Variants in ARSK observed in about 807,000 individuals in gnomAD.
ARSK encodes the protein arylsulfatase family member K.
A neutral mutation model predicts 53.2 loss-of-function variants in ARSK; 37 were observed. The observed-to-expected ratio is 0.70, with a 90% CI of 0.54 to 0.92. The LOEUF (loss-of-function observed/expected upper bound fraction) is 0.92, where lower values mean the gene tolerates loss of function less well. ARSK is among the 40% of genes least tolerant of loss of function. The probability of loss-of-function intolerance (pLI) is 0.00; values close to 1 mark genes in which losing one functional copy is unlikely to be tolerated. For synonymous variants in ARSK, 208 were observed against 223.2 expected (o/e 0.93, Z 0.61); for missense variants, 613 against 643.0 (o/e 0.95, Z 0.51).
chr5:95,563,558 TG>T, intron 1 of ARSK, among the ~76,000 whole-genome samples: 1 of 152,244 alleles, frequency 6.6e-6, no homozygotes, highest in Non-Finnish European at 1.5e-5. Context: ...CAAAGAGTCC[TG>T]CTTTCCAGCC....
At position 95,584,297 on chromosome 5, in the gene ARSK, G is replaced by T. The variant is rs188918161; in HGVS notation, c.699+1099G>T. On this transcript the variant is annotated intron_variant, in intron 4 of 7. Transcript: ENST00000380009. ...TAGTCACTGAATGGCATACATATCT[G>T]TTGTATACCCAGTGATTTATACTAA... Among the ~76,000 whole-genome samples, 358 of 152,288 alleles carry T rather than the reference G, an allele frequency of 2.4e-3. 2 individuals carry two copies. The highest frequency in any genetic ancestry group is 3.5e-3 in the Non-Finnish European group (238 of 68,020).
chr5:95,605,009 C>T lies in ARSK; in HGVS notation c.*1483C>T, dbSNP rs1749483232. ...GTAAGCAAATTTATGAATCTTTGTACACCATAAGTATATACAATTATGATT... is the reference window on the plus strand; with the variant it reads ...GTAAGCAAATTTATGAATCTTTGTATACCATAAGTATATACAATTATGATT... On this transcript the variant is annotated 3_prime_UTR_variant, in exon 8 of 8. Coordinates refer to ENST00000380009, the MANE Select transcript of ARSK (RefSeq NM_198150.3). 1 of 152,174 alleles carries T rather than the reference C, an allele frequency of 6.6e-6. No homozygotes were observed. The highest frequency in any genetic ancestry group is 6.6e-5 in the Admixed American group (1 of 15,264). The allele number at this position is 152,174 out of a possible 1,614,324, so 9.4% of individuals were successfully genotyped here.
At chr5:95,559,197 C>T (rs1308396122) in intron 1 of ARSK, among the ~76,000 whole-genome samples, 1 of 152,138 alleles carries the variant, frequency 6.6e-6, no homozygotes, top group African/African-American at 2.4e-5. Flanking sequence ...GAATACATCA[C>T]AAGGAAAGAA....
chr5:95,555,294 G>A lies in ARSK; in HGVS notation c.16G>A (p.Val6Met). Residue 6 changes from valine to methionine, a missense_variant, in exon 1 of 8, where the codon GTG (valine) becomes ATG (methionine). Transcript: ENST00000380009. The surrounding 1 kb of genome is among the most constrained non-coding windows in gnomAD (Gnocchi z 4.0). ...GCTACCGGCGATGCTACTGCTGTGG[G>A]TGTCGGTGGTCGCAGCCTTGGCGCT... Reference protein sequence around the residue: MLLLWVSVVAALALAV... With the variant: MLLLWMSVVAALALAV... 1.2e-6 allele frequency: 2 copies of A among 1,601,200 alleles called. No individual in the cohort carries two copies. The highest frequency in any genetic ancestry group is 1.7e-6 in the Non-Finnish European group (2 of 1,178,800).
At chr5:95,580,269 C>T (rs1748999711) in intron 3 of ARSK, among the ~76,000 whole-genome samples, 2 of 152,040 alleles carry the variant, frequency 1.3e-5, no homozygotes, top group Non-Finnish European at 2.9e-5. Context: ...TTCAAAATAC[C>T]CCCAGTGGTT....
At chr5:95,581,080 A>T in intron 3 of ARSK, 1 of 338,882 alleles carries the variant, frequency 3.0e-6, no homozygotes, top group Non-Finnish European at 5.5e-6. Context: ...AAGGCAAGAG[A>T]GGATACCACT....
At chr5:95,570,526 C>A (rs969566580) in intron 3 of ARSK, among the ~76,000 whole-genome samples, 4 of 152,110 alleles carry the variant, frequency 2.6e-5, no homozygotes, top group Admixed American at 6.5e-5. Flanking sequence ...TATTGAGTGT[C>A]AGTGTTCTGT....
At chr5:95,571,158 CT>C (rs1336690804) in intron 3 of ARSK, among the ~76,000 whole-genome samples, 1 of 152,210 alleles carries the variant, frequency 6.6e-6, no homozygotes, top group African/African-American at 2.4e-5. Context: ...TAAAATCTTT[CT>C]CCTTTTTAGA....
chr5:95,578,559 A>T (rs1748968075), intron 3 of ARSK, among the ~76,000 whole-genome samples: 1 of 152,012 alleles, frequency 6.6e-6, no homozygotes, highest in Non-Finnish European at 1.5e-5. Flanking sequence ...CAGAATTATC[A>T]TTTTTCCAAT....
At chr5:95,600,493 T>C in intron 6 of ARSK, 1 of 375,930 alleles carries the variant, frequency 2.7e-6, no homozygotes, top group Non-Finnish European at 5.1e-6. Flanking sequence ...AATAGTGATA[T>C]TAACTATTTG....
chr5:95,563,160 T>A (rs1304279391), intron 1 of ARSK, among the ~76,000 whole-genome samples: 6 of 152,200 alleles, frequency 3.9e-5, no homozygotes, highest in Non-Finnish European at 8.8e-5. Context: ...TTCTAGAAAA[T>A]TTTTAAATAT....
chr5:95,566,729 T>C (rs1372627574), intron 2 of ARSK, among the ~76,000 whole-genome samples: 1 of 152,190 alleles, frequency 6.6e-6, no homozygotes, highest in Non-Finnish European at 1.5e-5. Context: ...AAAACTGCCA[T>C]TTTTATAAAT....
Position 95,591,444 on chromosome 5 carries a change from A to C in ARSK, c.915A>C (p.Lys305Asn). Residue 305 changes from lysine (K) to asparagine (N), a missense_variant, in exon 6 of 8, where the codon AAA (lysine) becomes AAC (asparagine). By Grantham distance (94) the Lys-to-Asn change is moderately conservative. Transcript: ENST00000380009. Reference protein sequence around the residue: ...LALHQLDLLQKTIVIYSSDHG... With the variant: ...LALHQLDLLQNTIVIYSSDHG... ...TTCATCAATTAGATCTTCTTCAGAAAACTATTGTCATATACTCCTCAGACC... is the reference window on the plus strand; with the variant it reads ...TTCATCAATTAGATCTTCTTCAGAACACTATTGTCATATACTCCTCAGACC... 6.2e-7 allele frequency: 1 copy of C among 1,614,128 alleles called. No homozygotes were observed. The highest frequency in any genetic ancestry group is 8.5e-7 in the Non-Finnish European group (1 of 1,179,982).
intron 3 of ARSK, among the ~76,000 whole-genome samples, chr5:95,582,522 G>C (rs554011294): frequency 5.9e-5 from 9 of 152,124 alleles, no homozygotes; most frequent in African/African-American, 2.2e-4. Context: ...TAAATGTTTA[G>C]TGATAAAAGG....
rs1455107114 is a variant in ARSK, at chr5:95,604,089, G to GT, written c.*564dup. 6.6e-6 allele frequency: 1 copy of GT among 151,992 alleles called. No homozygotes were observed. The highest frequency in any genetic ancestry group is 2.4e-5 in the African/African-American group (1 of 41,368). The allele number at this position is 151,992 out of a possible 1,614,324, so 9.4% of individuals were successfully genotyped here. A position where few individuals can be genotyped will look rare whatever the true frequency, so the allele number is the denominator to read the frequency against. ...TATCAAAAGAATTGAAGCAAATACT[G>GT]TAACAGTTATGTTCCTTTAAATAAT... On this transcript the variant is annotated 3_prime_UTR_variant, in exon 8 of 8. Transcript: ENST00000380009.
At chr5:95,593,202 C>G (rs918034600) in intron 6 of ARSK, among the ~76,000 whole-genome samples, 7 of 152,042 alleles carry the variant, frequency 4.6e-5, no homozygotes, top group African/African-American at 1.7e-4. Flanking sequence ...GTCATCTTTG[C>G]TTGACTTTTT....
chr5:95,565,198 G>A (rs1235849594), intron 1 of ARSK, among the ~76,000 whole-genome samples: 1 of 152,076 alleles, frequency 6.6e-6, no homozygotes, highest in South Asian at 2.1e-4. Flanking sequence ...TCTCCAAAAT[G>A]CATATCTCCA....
chr5:95,573,516 A>C (rs1320504171), intron 3 of ARSK, among the ~76,000 whole-genome samples: 1 of 152,230 alleles, frequency 6.6e-6, no homozygotes, highest in African/African-American at 2.4e-5. Flanking sequence ...TACAATAGCA[A>C]TCACAGCACA....
chr5:95,590,743 C>A (rs374778928), intron 5 of ARSK, among the ~76,000 whole-genome samples: 2 of 152,158 alleles, frequency 1.3e-5, no homozygotes, highest in Admixed American at 1.3e-4. Flanking sequence ...CTCTTAATTA[C>A]AGTAGGAGGA....
Sources: allele counts gnomAD v4.1 joint callset (sites outside exome capture counted in the v4.1 genomes callset), GRCh38; gene constraint gnomAD v4.1.1; non-coding constraint Gnocchi (gnomAD v3.1); transcripts MANE v1.5; gene names NCBI Gene and HGNC (gene_info 2026-07-23, HGNC 2026-07-21).